PAN3: variants seen among roughly 807,000 people sequenced by gnomAD.
PAN3 encodes the protein PAN2-PAN3 deadenylation complex subunit PAN3.
PAN3 carries 19 observed loss-of-function variants against 96.2 expected under a neutral mutation model. The observed-to-expected ratio is 0.20, with a 90% CI of 0.14 to 0.29. PAN3 has a LOEUF of 0.29. Ranked by LOEUF, PAN3 falls within the 10% of genes least tolerant of loss-of-function variation. PAN3 has a pLI of 1.00. For missense variants in PAN3, 882 were observed against 1,108.1 expected, an observed-to-expected ratio of 0.80 and a Z score of 2.90; for synonymous variants, 433 against 406.6, an observed-to-expected ratio of 1.06 and a Z score of -0.78.
intron 9 of PAN3, among the ~76,000 whole-genome samples, chr13:28,264,306 A>G (rs957337574): frequency 6.6e-6 from 1 of 152,252 alleles, no homozygotes; most frequent in African/African-American, 2.4e-5. Context: ...TGGGAGGCCA[A>G]GGTGAGTGGA....
chr13:28,217,669 A>T (rs35393479), intron 5 of PAN3, among the ~76,000 whole-genome samples: 21,267 of 151,978 alleles, frequency 0.14, 1,824 homozygotes, highest in East Asian at 0.33. Flanking sequence ...TAATTTTTTT[A>T]AAATGTCCAC....
chr13:28,258,978 A>C (rs1194448591), intron 7 of PAN3, among the ~76,000 whole-genome samples: 1 of 152,100 alleles, frequency 6.6e-6, no homozygotes, highest in Non-Finnish European at 1.5e-5. Flanking sequence ...TTTCCCCTGA[A>C]TATTTCCTAC....
chr13:28,255,063 A>G (rs1885028350), intron 6 of PAN3, among the ~76,000 whole-genome samples: 1 of 152,212 alleles, frequency 6.6e-6, no homozygotes, highest in South Asian at 2.1e-4. Flanking sequence ...TTCAGAAAAC[A>G]TGTTGGTATC....
chr13:28,209,729 C>T (rs570211946), intron 5 of PAN3, among the ~76,000 whole-genome samples: 4 of 152,040 alleles, frequency 2.6e-5, no homozygotes, highest in South Asian at 2.1e-4. Context: ...ATTCTTCTCC[C>T]GTCTCCTCCC....
chr13:28,178,036 C>G, intron 4 of PAN3, 101 bp downstream of exon 4: 1 of 997,360 alleles, frequency 1.0e-6, no homozygotes, highest in Non-Finnish European at 1.5e-6. Flanking sequence ...GGAGGGAGAG[C>G]TTTTTATGGG....
intron 18 of PAN3, among the ~76,000 whole-genome samples, chr13:28,289,360 C>G (rs1282167271): frequency 6.6e-6 from 1 of 152,072 alleles, no homozygotes; most frequent in Non-Finnish European, 1.5e-5. Flanking sequence ...GCAGCCTTGA[C>G]TCCCCAGGGC....
chr13:28,161,902 T>TG (rs376598531), intron 1 of PAN3, among the ~76,000 whole-genome samples: 13 of 152,324 alleles, frequency 8.5e-5, no homozygotes, highest in African/African-American at 3.1e-4. Flanking sequence ...ACAGCTTCTG[T>TG]GGGTTTTATA....
intron 6 of PAN3, among the ~76,000 whole-genome samples, chr13:28,236,646 T>G (rs1883141351): frequency 6.6e-6 from 1 of 152,214 alleles, no homozygotes; most frequent in South Asian, 2.1e-4. Context: ...TTTTAACCAG[T>G]TTAGCATAAA....
chr13:28,283,031 T>C, intron 17 of PAN3, among the ~76,000 whole-genome samples: 1 of 152,174 alleles, frequency 6.6e-6, no homozygotes, highest in Admixed American at 6.5e-5. Context: ...TACTAAATTC[T>C]AGATTGTCCT....
chr13:28,173,785 A>G (rs753555716), intron 1 of PAN3, among the ~76,000 whole-genome samples: 10 of 152,372 alleles, frequency 6.6e-5, no homozygotes, highest in Non-Finnish European at 1.2e-4. Context: ...GAGAACTATC[A>G]GTATTCCTGA....
At position 28,277,158 on chromosome 13, in the gene PAN3, A is replaced by G. The variant is rs1887131207; in HGVS notation, c.2050-79A>G. On this transcript the variant is annotated intron_variant, in intron 14 of 18. Transcript: ENST00000380958. Reference sequence around the variant, plus strand: ...GCTTATTTATAATGATGCTTTTTCCATTTAGGCAGTAGTGTCAGTGTATTA... The same window carrying G: ...GCTTATTTATAATGATGCTTTTTCCGTTTAGGCAGTAGTGTCAGTGTATTA... 8.0e-6 allele frequency: 11 copies of G among 1,368,842 alleles called. No individual in the cohort carries two copies. In the South Asian group the frequency reaches 1.1e-4, roughly 14 times the overall value. 84.8% of individuals were successfully genotyped at this position (1,368,842 alleles called of 1,614,324 possible). A position where few individuals can be genotyped will look rare whatever the true frequency, so the allele number is the denominator to read the frequency against.
chr13:28,266,683 T>A lies in PAN3; in HGVS notation c.1412-32T>A, dbSNP rs1209931929. The A allele has an allele frequency of 4.1e-6, 6 of 1,480,466 alleles. No homozygotes were observed. The African/African-American group carries it at 8.5e-5, about 21-fold the overall frequency. 91.7% of individuals were successfully genotyped at this position (1,480,466 alleles called of 1,614,324 possible). The stretch of plus-strand genomic sequence containing the variant: ...TGAGAAAGATTTATGAATGCCTGTA[T>A]TTTCAAGTCATCTTCTTATGAATTA... On this transcript the variant is annotated intron_variant, in intron 9 of 18. Transcript: ENST00000380958.
intron 1 of PAN3, among the ~76,000 whole-genome samples, chr13:28,170,395 C>T (rs1874146119): frequency 1.3e-5 from 2 of 152,138 alleles, no homozygotes; most frequent in African/African-American, 2.4e-5. Context: ...TGCTTATGTG[C>T]AGTGGACCTT....
intron 18 of PAN3, among the ~76,000 whole-genome samples, chr13:28,289,830 C>T (rs907009210): frequency 5.3e-5 from 8 of 151,878 alleles, no homozygotes; most frequent in Admixed American, 3.9e-4. Flanking sequence ...TGCAGTGAGC[C>T]GAGATTGGGC....
At chr13:28,143,824 A>C (rs1870194546) in intron 1 of PAN3, among the ~76,000 whole-genome samples, 1 of 152,226 alleles carries the variant, frequency 6.6e-6, no homozygotes, top group South Asian at 2.1e-4. Context: ...GAGCAGTGCC[A>C]TGGATAACTT....
At chr13:28,265,349 G>T (rs1395808273) in intron 9 of PAN3, among the ~76,000 whole-genome samples, 2 of 152,212 alleles carry the variant, frequency 1.3e-5, no homozygotes, top group Non-Finnish European at 2.9e-5. Context: ...ATAGTCACAT[G>T]CAATGACACT....
intron 6 of PAN3, among the ~76,000 whole-genome samples, chr13:28,240,962 T>C (rs1317579173): frequency 1.3e-5 from 2 of 152,224 alleles, no homozygotes; most frequent in Non-Finnish European, 1.5e-5. Context: ...GTGTCCACTT[T>C]TAAATTTTCC....
Position 28,165,028 on chromosome 13 carries a change from CTCCCGA to C in PAN3, c.431-9243_431-9238del, listed in dbSNP as rs373378788. On this transcript the variant is annotated intron_variant, in intron 1 of 18. Transcript: ENST00000380958. ...GTTCAAGTGATTCTCCTGCCTCAGC[CTCCCGA>C]GTAGCTGGGACTACAGGCATGTATC... 6.6e-5 allele frequency among the ~76,000 whole-genome samples: 10 copies of C among 152,318 alleles called. No homozygotes were observed. In the East Asian group the frequency reaches 1.9e-3, roughly 29 times the overall value.
At chr13:28,145,727 G>A (rs1286294017) in intron 1 of PAN3, among the ~76,000 whole-genome samples, 1 of 149,348 alleles carries the variant, frequency 6.7e-6, no homozygotes, top group Non-Finnish European at 1.5e-5. Flanking sequence ...AGTAGCTGGG[G>A]TGACAGGTGG....
Sources: gnomAD v4.1 joint callset for allele counts (sites outside exome capture counted in the v4.1 genomes callset) on GRCh38, gnomAD v4.1.1 for gene constraint, MANE v1.5 for transcripts, NCBI Gene and HGNC (gene_info 2026-07-23, HGNC 2026-07-21) for gene names.